Variants in SRPK2 observed in about 807,000 individuals in gnomAD.
SRPK2 encodes the protein SFRS protein kinase 2.
Under a neutral mutation model 90.8 loss-of-function variants are expected in SRPK2, and 21 were observed. That is an observed-to-expected ratio of 0.23 (90% CI 0.16 to 0.33). The LOEUF (loss-of-function observed/expected upper bound fraction) is 0.33. Among genes scored for constraint, SRPK2 ranks in the 10% least tolerant of loss-of-function variants. The pLI is 1.00. For missense variants in SRPK2, 620 were observed against 869.0 expected (o/e 0.71, Z 3.60); for synonymous variants, 288 against 311.1 (o/e 0.93, Z 0.78).
intron 2 of SRPK2, among the ~76,000 whole-genome samples, chr7:105,370,864 CTTAGGCCTCTGA>C (rs756459155): frequency 1.1e-4 from 16 of 152,018 alleles, no homozygotes; most frequent in Non-Finnish European, 2.2e-4. Context: ...AATCCACCCG[CTTAGGCCTCTGA>C]AAGTGCTAGG....
At chr7:105,344,406 CCTT>C (rs570080734) in intron 2 of SRPK2, among the ~76,000 whole-genome samples, 7,297 of 128,474 alleles carry the variant, frequency 0.057, 506 homozygotes, top group East Asian at 0.33. Flanking sequence ...TGCAGCCACA[CCTT>C]TTTTTTTTTT....
At chr7:105,273,411 TTTTTTC>T (rs1563177306) in intron 2 of SRPK2, among the ~76,000 whole-genome samples, 2 of 145,190 alleles carry the variant, frequency 1.4e-5, no homozygotes, top group African/African-American at 5.0e-5. Context: ...ACCCAACTCG[TTTTTTC>T]TTTTTCTTTT....
chr7:105,301,536 C>G (rs1810558050), intron 2 of SRPK2: 2 of 1,527,200 alleles, frequency 1.3e-6, no homozygotes, highest in Non-Finnish European at 1.8e-6. Context: ...CCAACGAGGA[C>G]CAGGAGATGG....
chr7:105,384,945 C>T (rs1455269341), intron 2 of SRPK2, among the ~76,000 whole-genome samples: 3 of 151,454 alleles, frequency 2.0e-5, no homozygotes, highest in Admixed American at 6.6e-5. Flanking sequence ...GGCGCAATCT[C>T]GGCTCACTGC....
At chr7:105,268,091 T>G (rs75182106) in intron 2 of SRPK2, among the ~76,000 whole-genome samples, 1,891 of 152,330 alleles carry the variant, frequency 0.012, 20 homozygotes, top group African/African-American at 0.03. Context: ...GATAAAAATA[T>G]CTTAATTCTT....
intron 2 of SRPK2, among the ~76,000 whole-genome samples, chr7:105,207,615 A>C (rs1796371415): frequency 6.6e-6 from 1 of 152,236 alleles, no homozygotes; most frequent in Non-Finnish European, 1.5e-5. Flanking sequence ...TACTACAACA[A>C]ATACATACTC....
At chr7:105,306,656 A>G (rs1022978973) in intron 2 of SRPK2, 15 of 364,000 alleles carry the variant, frequency 4.1e-5, no homozygotes, top group African/African-American at 3.2e-4. Flanking sequence ...CTTCAGTTGG[A>G]AAAGCATTTA....
At chr7:105,292,023 T>A (rs1490930657) in intron 2 of SRPK2, among the ~76,000 whole-genome samples, 1 of 152,196 alleles carries the variant, frequency 6.6e-6, no homozygotes, top group African/African-American at 2.4e-5. Context: ...GATGGCCTAG[T>A]CACCTCCTAG....
At position 105,160,969 on chromosome 7, in the gene SRPK2, G is replaced by A. The variant is rs761920642; in HGVS notation, c.515-356C>T. Among the ~76,000 whole-genome samples the A allele has an allele frequency of 4.0e-5, 6 of 151,258 alleles. No homozygotes were observed. The South Asian group carries it at 6.3e-4, about 16-fold the overall frequency. On this transcript the variant is annotated intron_variant, in intron 6 of 15. Coordinates refer to ENST00000393651, the MANE Select transcript of SRPK2 (RefSeq NM_182692.3). Reference sequence around the variant, plus strand: ...TTTTGAGACGGAGTCTTGCTCTGTCGCCCAGGAGTGCAGTGGTGTGATCTT... The same window carrying A: ...TTTTGAGACGGAGTCTTGCTCTGTCACCCAGGAGTGCAGTGGTGTGATCTT...
chr7:105,345,701 C>T (rs2131964042), intron 2 of SRPK2, among the ~76,000 whole-genome samples: 1 of 152,316 alleles, frequency 6.6e-6, no homozygotes, highest in African/African-American at 2.4e-5. Flanking sequence ...GTTTGGAATA[C>T]AAGTAGGGCA....
intron 5 of SRPK2, among the ~76,000 whole-genome samples, chr7:105,167,680 G>A (rs1051857305): frequency 1.1e-4 from 17 of 151,326 alleles, no homozygotes; most frequent in Non-Finnish European, 2.1e-4. Flanking sequence ...GTACGATCTC[G>A]GCTCACTGCA....
chr7:105,350,499 A>G (rs1362105356), intron 2 of SRPK2, among the ~76,000 whole-genome samples: 1 of 150,706 alleles, frequency 6.6e-6, no homozygotes, highest in Non-Finnish European at 1.5e-5. Flanking sequence ...TGATCCTCAC[A>G]ATAACCCTGT....
At chr7:105,123,685 T>C (rs1800730478) in intron 15 of SRPK2, among the ~76,000 whole-genome samples, 1 of 152,156 alleles carries the variant, frequency 6.6e-6, no homozygotes, top group Non-Finnish European at 1.5e-5. Flanking sequence ...GTGAAATCTA[T>C]TTCCATGACC....
At chr7:105,156,642 A>G (rs932336738) in intron 7 of SRPK2, among the ~76,000 whole-genome samples, 1 of 152,112 alleles carries the variant, frequency 6.6e-6, no homozygotes, top group African/African-American at 2.4e-5. Flanking sequence ...CTGGGACCAC[A>G]GGTGCATGCC....
At chr7:105,192,286 C>T (rs1310083903) in intron 3 of SRPK2, among the ~76,000 whole-genome samples, 2 of 152,122 alleles carry the variant, frequency 1.3e-5, no homozygotes, top group South Asian at 2.1e-4. Context: ...TTAGCTCCCA[C>T]TTATGAGTGA....
chr7:105,143,742 T>C, intron 9 of SRPK2: 1 of 192,034 alleles, frequency 5.2e-6, no homozygotes, highest in Non-Finnish European at 1.1e-5. Context: ...CGAGCAGGTG[T>C]ATGTCACTGT....
Position 105,388,834 on chromosome 7 carries a change from G to C in SRPK2, c.-28C>G. 7.5e-7 allele frequency: 1 copy of C among 1,335,868 alleles called. No individual in the cohort carries two copies. Among genetic ancestry groups the C allele is most frequent in the Non-Finnish European group, 9.5e-7 (1 of 1,049,058 alleles). 82.8% of individuals were successfully genotyped at this position (1,335,868 alleles called of 1,614,324 possible). A position where few individuals can be genotyped will look rare whatever the true frequency, so the allele number is the denominator to read the frequency against. On this transcript the variant is annotated 5_prime_UTR_variant, in exon 1 of 16. Coordinates refer to ENST00000393651, the MANE Select transcript of SRPK2 (RefSeq NM_182692.3). ...CGACGCGGCGGAAGCGGGGCGGGGG[G>C]CTTCGCGACGGCGACGCGGGCGCCG...
At position 105,168,087 on chromosome 7, in the gene SRPK2, C is replaced by A; in HGVS notation, c.347G>T (p.Arg116Ile). 6.2e-7 allele frequency: 1 copy of A among 1,610,750 alleles called. No homozygotes were observed. The highest frequency in any genetic ancestry group is 8.5e-7 in the Non-Finnish European group (1 of 1,178,244). Residue 116 changes from arginine (R) to isoleucine (I), a missense_variant, in exon 5 of 16, where the codon AGA becomes ATA. This residue lies in a region of SRPK2 where 196 missense variants were observed against 339.2 expected (regional missense o/e 0.58). Transcript: ENST00000393651. ...TTTTACAACTTTCATTGCAACAAAT[C>A]TTTTCCCCCTAAAAGAAAAAACAAA... ...VWLCWDMQGK[R>I]FVAMKVVKSA...
chr7:105,142,303 T>TTCA lies in SRPK2; in HGVS notation c.1245_1247dup (p.Asp415dup), dbSNP rs1562977680. ...ATTCCTCAGGATTTGGGCAGTCTTC[T>TTCA]TCATCATCATCTTCATCGTCCAGTT... On this transcript the variant is annotated inframe_insertion, in exon 11 of 16. Transcript: ENST00000393651. 6.2e-7 allele frequency: 1 copy of TTCA among 1,614,178 alleles called. No individual in the cohort carries two copies. The highest frequency in any genetic ancestry group is 1.7e-5 in the Admixed American group (1 of 60,028).
Sources: allele counts gnomAD v4.1 joint callset (sites outside exome capture counted in the v4.1 genomes callset), GRCh38; gene constraint gnomAD v4.1.1; regional missense constraint gnomAD v4.1.1; transcripts MANE v1.5; gene names NCBI Gene and HGNC (gene_info 2026-07-23, HGNC 2026-07-21).